Variants in TRIM5 observed in about 807,000 individuals in gnomAD.
TRIM5 encodes tripartite motif containing 5.
In TRIM5, 31 loss-of-function variants were observed where a neutral mutation model predicts 35.6. The observed-to-expected ratio is 0.87, with a 90% CI of 0.65 to 1.18. TRIM5 has a LOEUF of 1.18. Among genes scored for constraint, TRIM5 ranks in the 50% most tolerant of loss-of-function variants. The probability of loss-of-function intolerance (pLI) is 0.00; values close to 1 mark genes in which losing one functional copy is unlikely to be tolerated. For synonymous variants in TRIM5, 243 were observed against 215.6 expected, an observed-to-expected ratio of 1.13 and a Z score of -1.11; for missense variants, 609 against 591.6, an observed-to-expected ratio of 1.03 and a Z score of -0.31.
the TRIM5 span, chr11:5,655,570 C>G: frequency 2.3e-6 from 2 of 852,920 alleles, no homozygotes; most frequent in Non-Finnish European, 2.8e-6. Flanking sequence ...CAGTAAGAAA[C>G]ATTCATTTCT....
chr11:5,645,341 G>A, the TRIM5 span, among the ~76,000 whole-genome samples: 49 of 146,736 alleles, frequency 3.3e-4, no homozygotes, highest in East Asian at 6.0e-4. Context: ...GCAGTGAGCT[G>A]AGATTGCACC....
chr11:5,611,745 G>A, the TRIM5 span: 20 of 193,576 alleles, frequency 1.0e-4, no homozygotes, highest in East Asian at 2.4e-3. Flanking sequence ...GAGCCGCCGC[G>A]CCCAGACAGT....
chr11:5,630,295 T>A, the TRIM5 span, among the ~76,000 whole-genome samples: 60,252 of 151,996 alleles, frequency 0.4, 13,008 homozygotes, highest in Non-Finnish European at 0.5. Flanking sequence ...ATAACCTTTT[T>A]TTCCCCCACA....
the TRIM5 span, among the ~76,000 whole-genome samples, chr11:5,638,164 T>C: frequency 6.6e-6 from 1 of 152,206 alleles, no homozygotes; most frequent in East Asian, 1.9e-4. Context: ...GGTGACAAAA[T>C]TGTACTGTCA....
At chr11:5,594,595 A>G in the TRIM5 span, among the ~76,000 whole-genome samples, 3 of 152,132 alleles carry the variant, frequency 2.0e-5, no homozygotes, top group Non-Finnish European at 4.4e-5. Flanking sequence ...GCGAGCCAAC[A>G]TGCCCAGCCA....
the TRIM5 span, among the ~76,000 whole-genome samples, chr11:5,591,937 CTTAAAAG>C: frequency 2.6e-5 from 4 of 152,188 alleles, no homozygotes; most frequent in Admixed American, 6.5e-5. Context: ...AACTATGACA[CTTAAAAG>C]TTAAACCAGA....
chr11:5,654,660 T>A, the TRIM5 span, among the ~76,000 whole-genome samples: 1 of 152,174 alleles, frequency 6.6e-6, no homozygotes, highest in Admixed American at 6.5e-5. Context: ...CTTTTGACTA[T>A]TTCTAGTTTC....
chr11:5,637,122 A>C, the TRIM5 span, among the ~76,000 whole-genome samples: 3 of 152,072 alleles, frequency 2.0e-5, no homozygotes, highest in Non-Finnish European at 2.9e-5. Flanking sequence ...GCAGTGAGCC[A>C]AGATGGCGCC....
chr11:5,619,267 T>C, the TRIM5 span, among the ~76,000 whole-genome samples: 98,768 of 152,106 alleles, frequency 0.65, 32,768 homozygotes, highest in East Asian at 0.92. Context: ...TTTGATGTCC[T>C]CAAAACAGTT....
chr11:5,643,530 C>A, the TRIM5 span: 1 of 1,614,144 alleles, frequency 6.2e-7, no homozygotes, highest in Non-Finnish European at 8.5e-7. Context: ...GGCTGTGCCT[C>A]CCTGCCGTGT....
the TRIM5 span, among the ~76,000 whole-genome samples, chr11:5,614,628 C>G: frequency 6.6e-6 from 1 of 152,264 alleles, no homozygotes; most frequent in East Asian, 1.9e-4. Context: ...TATGTTAATT[C>G]CATTCTATAG....
downstream of TRIM5, among the ~76,000 whole-genome samples, chr11:5,659,939 T>C (rs1427326850): frequency 1.3e-5 from 2 of 152,162 alleles, no homozygotes; most frequent in Non-Finnish European, 2.9e-5. Context: ...TCTTTACGGG[T>C]ACTCTACCAT....
chr11:5,621,776 C>A, the TRIM5 span, among the ~76,000 whole-genome samples: 1 of 152,170 alleles, frequency 6.6e-6, no homozygotes, highest in Non-Finnish European at 1.5e-5. Flanking sequence ...AAAGGCTAAT[C>A]AGAAACTCAA....
intron 5 of TRIM5, 148 bp from the exon 6 acceptor site, chr11:5,666,229 T>C (rs1277126319): frequency 1.4e-6 from 1 of 717,072 alleles, no homozygotes; most frequent in South Asian, 1.6e-5. Flanking sequence ...CTCTTGACCC[T>C]GGAGGCAAAC....
the TRIM5 span, among the ~76,000 whole-genome samples, chr11:5,648,398 C>G: frequency 6.6e-6 from 1 of 152,024 alleles, no homozygotes. Context: ...CCCAGCTACT[C>G]AGTTGGCTGA....
intron 1 of TRIM5, among the ~76,000 whole-genome samples, chr11:5,683,141 G>A (rs533576048): frequency 3.1e-4 from 47 of 152,336 alleles, no homozygotes; most frequent in Non-Finnish European, 5.9e-4. Context: ...GCCTCCCCGC[G>A]GGGCAGAGCT....
Position 5,679,844 on chromosome 11 carries a change from C to G in TRIM5, c.334G>C (p.Val112Leu). 3 of 1,613,398 alleles carry G rather than the reference C, an allele frequency of 1.9e-6. No homozygotes were observed. Among genetic ancestry groups the G allele is most frequent in the South Asian group, 1.1e-5 (1 of 90,970 alleles). Reference protein sequence around the residue: ...LLLFCQEDGKVICWLCERSQE... With the variant: ...LLLFCQEDGKLICWLCERSQE... ...GACCGCTCACAAAGCCAGCAAATGA[C>G]CTTCCCGTCCTCCTGACAGAAGAGT... The change falls in exon 2 of 8, where the codon GTC becomes CTC. Residue 112 changes from valine to leucine, a missense_variant. By Grantham distance (32) the Val-to-Leu change is conservative (BLOSUM62 1). Coordinates refer to ENST00000380034, the MANE Select transcript of TRIM5 (RefSeq NM_033034.3).
chr11:5,616,071 C>A, the TRIM5 span, among the ~76,000 whole-genome samples: 1 of 151,614 alleles, frequency 6.6e-6, no homozygotes, highest in Non-Finnish European at 1.5e-5. Context: ...CTGCCTCAGC[C>A]TCCCGAGTAG....
At chr11:5,679,732 C>T (rs373882472) in intron 2 of TRIM5, 29 bp downstream of exon 2, 3 of 1,523,158 alleles carry the variant, frequency 2.0e-6, no homozygotes, top group Non-Finnish European at 2.6e-6. Context: ...CATTTTCTGC[C>T]CTCTCTTCCT....
Sources: gnomAD v4.1 joint callset for allele counts (sites outside exome capture counted in the v4.1 genomes callset) on GRCh38, gnomAD v4.1.1 for gene constraint, MANE v1.5 for transcripts, NCBI Gene and HGNC (gene_info 2026-07-23, HGNC 2026-07-21) for gene names.